Variants in TRAPPC12 observed in about 807,000 individuals in gnomAD.
TRAPPC12 encodes the protein trafficking protein particle complex subunit 12.
In TRAPPC12, 61 loss-of-function variants were observed where a neutral mutation model predicts 69.2. The observed-to-expected ratio is 0.88, with a 90% CI of 0.72 to 1.09. The LOEUF (loss-of-function observed/expected upper bound fraction) is 1.09. Among genes scored for constraint, TRAPPC12 ranks in the 50% least tolerant of loss-of-function variants. The pLI is 0.00. For missense variants in TRAPPC12, 1,101 were observed against 1,016.4 expected, an observed-to-expected ratio of 1.08 and a Z score of -1.13; for synonymous variants, 469 against 438.9, an observed-to-expected ratio of 1.07 and a Z score of -0.86.
chr2:3,436,799 CT>C (rs1663815214), intron 5 of TRAPPC12, among the ~76,000 whole-genome samples: 2 of 146,504 alleles, frequency 1.4e-5, no homozygotes, highest in African/African-American at 2.6e-5. Context: ...CCCATCACCC[CT>C]GAATTAATCC....
chr2:3,385,816 G>T (rs1211711746), intron 1 of TRAPPC12, among the ~76,000 whole-genome samples: 1 of 152,202 alleles, frequency 6.6e-6, no homozygotes, highest in African/African-American at 2.4e-5. Context: ...GACTTCAGAG[G>T]GGGCACTGCC....
chr2:3,425,860 G>A (rs1663072878), intron 5 of TRAPPC12, among the ~76,000 whole-genome samples: 1 of 152,206 alleles, frequency 6.6e-6, no homozygotes, highest in Non-Finnish European at 1.5e-5. Flanking sequence ...GTTGAACTTG[G>A]TTGATACTAG....
intron 6 of TRAPPC12, among the ~76,000 whole-genome samples, chr2:3,446,808 AGCC>A (rs1487003531): frequency 6.6e-6 from 1 of 152,250 alleles, no homozygotes; most frequent in Non-Finnish European, 1.5e-5. Flanking sequence ...AACAGAACGC[AGCC>A]TCGCCCTCAG....
At chr2:3,393,080 A>G (rs867960371) in intron 2 of TRAPPC12, among the ~76,000 whole-genome samples, 1 of 152,180 alleles carries the variant, frequency 6.6e-6, no homozygotes, top group Admixed American at 6.5e-5. Flanking sequence ...ACTGCACTCC[A>G]GCATGGATAA....
rs753349423 is a variant in TRAPPC12, at chr2:3,387,700, A to C, written c.77A>C (p.Glu26Ala). Reference sequence around the variant, plus strand: ...CCCCCTCAGCTCGCGCCTCCGGAGGAGCAGGGGTTGCTCTTCCAGGAGGAA... The same window carrying C: ...CCCCCTCAGCTCGCGCCTCCGGAGGCGCAGGGGTTGCTCTTCCAGGAGGAA... ...PHPPQLAPPE[E>A]QGLLFQEETI... is the part of the protein sequence containing the mutation. The change falls in exon 2 of 12, where the codon GAG becomes GCG. Residue 26 changes from glutamate (E) to alanine (A), a missense_variant. By Grantham distance (107) the Glu-to-Ala change is moderately radical (BLOSUM62 -1). Coordinates refer to ENST00000324266, the MANE Select transcript of TRAPPC12 (RefSeq NM_016030.6). 3 of 1,583,838 alleles carry C rather than the reference A, an allele frequency of 1.9e-6. No homozygotes were observed. The highest frequency in any genetic ancestry group is 2.6e-6 in the Non-Finnish European group (3 of 1,165,546).
chr2:3,471,542 G>A (rs373235900), intron 9 of TRAPPC12, among the ~76,000 whole-genome samples: 1 of 152,198 alleles, frequency 6.6e-6, no homozygotes, highest in Non-Finnish European at 1.5e-5. Context: ...ACACAGCAAG[G>A]GGGCTGGGGG....
chr2:3,466,564 C>A (rs1253989628), intron 9 of TRAPPC12, among the ~76,000 whole-genome samples: 1 of 152,240 alleles, frequency 6.6e-6, no homozygotes, highest in Admixed American at 6.5e-5. Context: ...CCTGCACTCT[C>A]AGCTAACAGC....
At chr2:3,388,747 G>C in intron 2 of TRAPPC12, 77 bp downstream of exon 2, 1 of 1,336,472 alleles carries the variant, frequency 7.5e-7, no homozygotes, top group Non-Finnish European at 9.9e-7. Context: ...CCCCTTTAGG[G>C]ATGGAGAAGG....
intron 3 of TRAPPC12, among the ~76,000 whole-genome samples, chr2:3,419,571 G>A (rs1662658074): frequency 6.6e-6 from 1 of 151,646 alleles, no homozygotes; most frequent in African/African-American, 2.4e-5. Flanking sequence ...TTGGTCCAGT[G>A]GCCGCACACC....
intron 5 of TRAPPC12, among the ~76,000 whole-genome samples, chr2:3,432,840 A>T (rs912918024): frequency 2.0e-5 from 3 of 152,220 alleles, no homozygotes; most frequent in Admixed American, 6.5e-5. Flanking sequence ...CTGTCTGCAC[A>T]AGATACAGGC....
intron 9 of TRAPPC12, among the ~76,000 whole-genome samples, chr2:3,474,641 T>G (rs949368843): frequency 4.6e-5 from 7 of 152,362 alleles, no homozygotes; most frequent in African/African-American, 1.7e-4. Context: ...TCTGCGTTTA[T>G]AAGTGATGTT....
intron 8 of TRAPPC12, chr2:3,462,882 C>T (rs1261500459): frequency 2.3e-5 from 11 of 470,728 alleles, no homozygotes; most frequent in South Asian, 9.3e-5. Flanking sequence ...CATCAGAACC[C>T]GCCGTGGCTC....
intron 4 of TRAPPC12, among the ~76,000 whole-genome samples, chr2:3,422,840 A>G (rs753706750): frequency 6.6e-6 from 1 of 152,210 alleles, no homozygotes; most frequent in African/African-American, 2.4e-5. Context: ...CTCTCATTGC[A>G]GTGTTGCTTT....
At chr2:3,431,403 C>T (rs114465552) in intron 5 of TRAPPC12, among the ~76,000 whole-genome samples, 3,613 of 152,308 alleles carry the variant, frequency 0.024, 190 homozygotes, top group African/African-American at 0.083. Flanking sequence ...GGGTCGCCGT[C>T]GCCATGGATG....
In TRAPPC12 at chr2:3,478,938, G is replaced by C; in HGVS notation, c.1965+5G>C. ...ATGGATCCAAGAAACGCAGTGGTAA[G>C]ATCCCCAAGCTGCAGGATCCTCCAT... On this transcript the variant is annotated splice_donor_5th_base_variant and intron_variant, in intron 11 of 11. Transcript: ENST00000324266. 1 of 1,613,698 alleles carries C rather than the reference G, an allele frequency of 6.2e-7. No individual in the cohort carries two copies. The highest frequency in any genetic ancestry group is 1.3e-5 in the African/African-American group (1 of 75,040).
intron 2 of TRAPPC12, chr2:3,389,666 G>T (rs539040998): frequency 5.3e-5 from 25 of 471,104 alleles, no homozygotes; most frequent in Admixed American, 1.6e-4. Context: ...GCAGCCGAAG[G>T]GGGTGGGGGA....
At chr2:3,479,087 A>C in intron 11 of TRAPPC12, 132 bp from the exon 12 acceptor site, 1 of 1,515,032 alleles carries the variant, frequency 6.6e-7, no homozygotes, top group Non-Finnish European at 8.9e-7. Flanking sequence ...GTGACCCAAC[A>C]GGGCCACCTA....
intron 2 of TRAPPC12, among the ~76,000 whole-genome samples, chr2:3,391,530 G>T (rs1359777248): frequency 6.6e-6 from 1 of 152,156 alleles, no homozygotes; most frequent in Non-Finnish European, 1.5e-5. Flanking sequence ...AGTCTTTCCA[G>T]AATGTTCATT....
At chr2:3,444,547 G>A (rs1166519920) in intron 6 of TRAPPC12, among the ~76,000 whole-genome samples, 1 of 152,206 alleles carries the variant, frequency 6.6e-6, no homozygotes, top group Non-Finnish European at 1.5e-5. Context: ...TTCTACCCAC[G>A]TCACAGTGTT....
Sources: gnomAD v4.1 joint callset for allele counts (sites outside exome capture counted in the v4.1 genomes callset) on GRCh38, gnomAD v4.1.1 for gene constraint, MANE v1.5 for transcripts, NCBI Gene and HGNC (gene_info 2026-07-23, HGNC 2026-07-21) for gene names.